Variants in GFM1 observed in about 807,000 individuals in gnomAD.
GFM1 encodes G elongation factor mitochondrial 1.
A neutral mutation model predicts 96.2 loss-of-function variants in GFM1; 62 were observed. That is an observed-to-expected ratio of 0.64 (90% CI 0.53 to 0.80). The LOEUF is 0.80. GFM1 is among the 30% of genes least tolerant of loss of function. The probability of loss-of-function intolerance (pLI) is 0.00; values close to 1 mark genes in which losing one functional copy is unlikely to be tolerated. For synonymous variants in GFM1, 282 were observed against 312.9 expected (o/e 0.90, Z 1.04); for missense variants, 852 against 916.6 (o/e 0.93, Z 0.91).
intron 13 of GFM1, chr3:158,672,203 C>A (rs1033812532): frequency 1.0e-5 from 10 of 1,002,230 alleles, no homozygotes; most frequent in Non-Finnish European, 1.5e-5. Context: ...CTTAATATCT[C>A]AAGACCAGAT....
At chr3:158,681,534 G>T (rs1471241181) in intron 13 of GFM1, among the ~76,000 whole-genome samples, 1 of 151,982 alleles carries the variant, frequency 6.6e-6, no homozygotes, top group Non-Finnish European at 1.5e-5. Flanking sequence ...TTCTTGTATT[G>T]CCTGAGTCTA....
intron 13 of GFM1, among the ~76,000 whole-genome samples, chr3:158,678,031 T>C (rs1725049553): frequency 6.6e-6 from 1 of 152,220 alleles, no homozygotes; most frequent in Non-Finnish European, 1.5e-5. Flanking sequence ...TCTACTCTGC[T>C]TGTATTCTGC....
intron 8 of GFM1, among the ~76,000 whole-genome samples, chr3:158,657,814 T>C (rs1029903732): frequency 1.3e-5 from 2 of 152,300 alleles, no homozygotes; most frequent in Admixed American, 1.3e-4. Context: ...TTCTTTATCA[T>C]CTATTGACAA....
In GFM1 at chr3:158,691,663, A is replaced by G. The variant is rs933332814; in HGVS notation, c.*196A>G. The G allele has an allele frequency of 7.5e-6, 4 of 533,308 alleles. No individual in the cohort carries two copies. Among genetic ancestry groups the G allele is most frequent in the Admixed American group, 3.2e-5 (1 of 31,120 alleles). 33.0% of individuals were successfully genotyped at this position (533,308 alleles called of 1,614,324 possible). ...TATATTCAAAGGTAATTCTATGTCT[A>G]TCTCAACTCTATTGATTGGTTTTAT... On this transcript the variant is annotated 3_prime_UTR_variant, in exon 18 of 18. Coordinates refer to ENST00000486715, the MANE Select transcript of GFM1 (RefSeq NM_024996.7).
rs1429582592 is a variant in GFM1 at position 158,644,558 on chromosome 3, TGACC to T, written c.-75_-72del. 1 of 1,243,714 alleles carries T rather than the reference TGACC, an allele frequency of 8.0e-7. No homozygotes were observed. The highest frequency in any genetic ancestry group is 1.5e-5 in the African/African-American group (1 of 66,068). 77.0% of individuals were successfully genotyped at this position (1,243,714 alleles called of 1,614,324 possible). A position where few individuals can be genotyped will look rare whatever the true frequency, so the allele number is the denominator to read the frequency against. Reference sequence around the variant, plus strand: ...ACAACATTGGCTGCCGGCGTGACTTTGACCGCTTCCCGGTGCGTTACCGGCAGCT... The same window carrying T: ...ACAACATTGGCTGCCGGCGTGACTTTGCTTCCCGGTGCGTTACCGGCAGCT... On this transcript the variant is annotated 5_prime_UTR_variant, in exon 1 of 18. Coordinates refer to ENST00000486715, the MANE Select transcript of GFM1 (RefSeq NM_024996.7).
At chr3:158,686,506 G>A (rs1725864180) in intron 15 of GFM1, among the ~76,000 whole-genome samples, 1 of 149,722 alleles carries the variant, frequency 6.7e-6, no homozygotes, top group South Asian at 2.1e-4. Context: ...TCTTGTTCTA[G>A]GGTTAGAGGA....
intron 10 of GFM1, among the ~76,000 whole-genome samples, chr3:158,661,316 T>C (rs1458194656): frequency 6.6e-6 from 1 of 152,126 alleles, no homozygotes; most frequent in Non-Finnish European, 1.5e-5. Context: ...ACACTTGGGG[T>C]GCATTTCTAA....
At chr3:158,677,516 T>C (rs2108084428) in intron 13 of GFM1, among the ~76,000 whole-genome samples, 1 of 152,336 alleles carries the variant, frequency 6.6e-6, no homozygotes, top group South Asian at 2.1e-4. Context: ...TTTCTTTTTT[T>C]TTGAAATGGA....
intron 5 of GFM1, chr3:158,649,879 A>C (rs1231209612): frequency 1.4e-6 from 1 of 739,704 alleles, no homozygotes; most frequent in East Asian, 2.7e-5. Context: ...GAAGGTTTCC[A>C]GTTGATGCTG....
chr3:158,691,594 T>C lies in GFM1; in HGVS notation c.*127T>C. 2.0e-6 allele frequency: 2 copies of C among 1,023,548 alleles called. No individual in the cohort carries two copies. The highest frequency in any genetic ancestry group is 1.5e-6 in the Non-Finnish European group (1 of 667,184). 63.4% of individuals were successfully genotyped at this position (1,023,548 alleles called of 1,614,324 possible). A position where few individuals can be genotyped will look rare whatever the true frequency, so the allele number is the denominator to read the frequency against. On this transcript the variant is annotated 3_prime_UTR_variant, in exon 18 of 18. Transcript: ENST00000486715. ...CTGAGCCCAGGAAGCGGGCTCTTCT[T>C]TCTTCAAAAGAAGCCCTTCTTGTTC...
rs574405846 is a variant in GFM1, at chr3:158,679,634, A to T, written c.1602-2361A>T. Among the ~76,000 whole-genome samples, 44 of 151,462 alleles carry T rather than the reference A, an allele frequency of 2.9e-4. No homozygotes were observed. The South Asian group carries it at 8.6e-3, about 30-fold the overall frequency. ...AAGTTGGAGGAATTTTTTTCTCTAA[A>T]TTTTTTTTTCCTTTTGATGAGTCAT... On this transcript the variant is annotated intron_variant, in intron 13 of 17. Coordinates refer to ENST00000486715, the MANE Select transcript of GFM1 (RefSeq NM_024996.7).
intron 8 of GFM1, among the ~76,000 whole-genome samples, chr3:158,655,462 C>T (rs1291586128): frequency 6.8e-6 from 1 of 146,278 alleles, no homozygotes; most frequent in African/African-American, 2.6e-5. Context: ...CCAGCCTGGG[C>T]GACAGAGCAA....
At chr3:158,683,746 G>A (rs141391345) in intron 14 of GFM1, among the ~76,000 whole-genome samples, 1,600 of 152,224 alleles carry the variant, frequency 0.011, 12 homozygotes, top group Non-Finnish European at 0.016. Flanking sequence ...TCTATGATGG[G>A]TTATGAGTAA....
chr3:158,653,558 G>C, intron 7 of GFM1, 91 bp downstream of exon 7: 4 of 963,426 alleles, frequency 4.2e-6, no homozygotes. Flanking sequence ...TTTTAATTAT[G>C]TCTGTGATTT....
intron 15 of GFM1, among the ~76,000 whole-genome samples, chr3:158,686,744 T>TTTTTTTTTTTTG (rs1725894466): frequency 7.0e-6 from 1 of 142,202 alleles, no homozygotes; most frequent in African/African-American, 2.6e-5. Context: ...TTTTTTTTTT[T>TTTTTTTTTTTTG]GAGACAGAGT....
chr3:158,680,907 T>C (rs888668339), intron 13 of GFM1, among the ~76,000 whole-genome samples: 2 of 152,176 alleles, frequency 1.3e-5, no homozygotes, highest in Non-Finnish European at 2.9e-5. Flanking sequence ...TGGAAATCTT[T>C]TAATTTAAAT....
At position 158,694,074 on chromosome 3, in the gene GFM1, C is replaced by A. The variant is rs1726467220; in HGVS notation, c.*2607C>A. Among the ~76,000 whole-genome samples, 1 of 151,776 alleles carries A rather than the reference C, an allele frequency of 6.6e-6. No individual in the cohort carries two copies. The highest frequency in any genetic ancestry group is 1.5e-5 in the Non-Finnish European group (1 of 67,972). ...CAAAAACCATCTGACTCAGCAATAC[C>A]ATTACTATATACCCAAAGGAACGTA... On this transcript the variant is annotated 3_prime_UTR_variant, in exon 18 of 18. Coordinates refer to ENST00000486715, the MANE Select transcript of GFM1 (RefSeq NM_024996.7).
intron 15 of GFM1, among the ~76,000 whole-genome samples, chr3:158,689,432 AAGAC>A (rs772589744): frequency 2.6e-5 from 4 of 152,146 alleles, no homozygotes; most frequent in Non-Finnish European, 5.9e-5. Flanking sequence ...TAGAAAAGGA[AAGAC>A]AGATCGTAGG....
At chr3:158,666,700 G>A (rs534880288) in intron 13 of GFM1, 26 of 1,613,870 alleles carry the variant, frequency 1.6e-5, no homozygotes, top group South Asian at 1.3e-4. Flanking sequence ...CTTTAGTGCC[G>A]TATTGTGGAT....
Sources: gnomAD v4.1 joint callset for allele counts (sites outside exome capture counted in the v4.1 genomes callset) on GRCh38, gnomAD v4.1.1 for gene constraint, MANE v1.5 for transcripts, NCBI Gene and HGNC (gene_info 2026-07-23, HGNC 2026-07-21) for gene names.